Variants in IL15RA observed in about 807,000 individuals in gnomAD.
IL15RA encodes interleukin 15 receptor subunit alpha, also known as interleukin-15 receptor subunit alpha.
IL15RA carries 26 observed loss-of-function variants against 24.2 expected under a neutral mutation model. That is an observed-to-expected ratio of 1.07 (90% CI 0.79 to 1.49). IL15RA has a LOEUF of 1.49. Among genes scored for constraint, IL15RA ranks in the 40% most tolerant of loss-of-function variants. The pLI, the probability that IL15RA is intolerant of heterozygous loss-of-function variation, is 0.00. For missense variants in IL15RA, 354 were observed against 356.4 expected, an observed-to-expected ratio of 0.99 and a Z score of 0.05; for synonymous variants, 166 against 157.6, an observed-to-expected ratio of 1.05 and a Z score of -0.40.
At chr10:5,977,664 T>G, upstream of IL15RA, 1 of 1,244,636 alleles carries the variant, frequency 8.0e-7, no homozygotes, top group South Asian at 3.5e-5. Flanking sequence ...GATCCGTGAC[T>G]CAGCGTCCCC....
chr10:5,966,575 A>G lies in IL15RA; in HGVS notation c.89-236T>C, dbSNP rs1259106332. 6.6e-6 allele frequency among the ~76,000 whole-genome samples: 1 copy of G among 151,892 alleles called. No individual in the cohort carries two copies. Among genetic ancestry groups the G allele is most frequent in the Non-Finnish European group, 1.5e-5 (1 of 67,958 alleles). On this transcript the variant is annotated intron_variant, in intron 1 of 6. Transcript: ENST00000379977. The surrounding 1 kb of genome is among the most constrained non-coding windows in gnomAD (Gnocchi z 6.4). ...AAACTACAGATGAGGGCGTGGGGAG[A>G]GGGTCATCGATGAAACACCCTCTCC... is the stretch of plus-strand genomic sequence containing the variant.
rs370871783 is a variant in IL15RA, at chr10:5,953,066, G to A, written c.*29C>T. The A allele has an allele frequency of 1.3e-5, 19 of 1,517,414 alleles. No individual in the cohort carries two copies. Among genetic ancestry groups the A allele is most frequent in the South Asian group, 9.0e-5 (8 of 89,098 alleles). 94.0% of individuals were successfully genotyped at this position (1,517,414 alleles called of 1,614,324 possible). On this transcript the variant is annotated 3_prime_UTR_variant, in exon 7 of 7. Coordinates refer to ENST00000379977, the MANE Select transcript of IL15RA (RefSeq NM_002189.4). The surrounding 1 kb of genome is among the most constrained non-coding windows in gnomAD (Gnocchi z 5.3). ...TAAAGCAGAGAGGCTCCTTCACTCCGGACTTAGCTGGGCTGGTTTCCCCGA... is the reference window on the plus strand; with the variant it reads ...TAAAGCAGAGAGGCTCCTTCACTCCAGACTTAGCTGGGCTGGTTTCCCCGA...
chr10:5,977,623 C>G (rs1421128101), upstream of IL15RA: 1 of 1,262,520 alleles, frequency 7.9e-7, no homozygotes, highest in South Asian at 2.9e-5. Flanking sequence ...CTTTGGCCCC[C>G]GAGGGCTCGG....
At position 5,966,262 on chromosome 10, in the gene IL15RA, G is replaced by A. The variant is rs773161996; in HGVS notation, c.166C>T (p.Arg56Trp). 9.3e-6 allele frequency: 15 copies of A among 1,613,928 alleles called. No individual in the cohort carries two copies. The highest frequency in any genetic ancestry group is 1.7e-5 in the Admixed American group (1 of 60,004). Residue 56 changes from arginine (R) to tryptophan (W), a missense_variant, in exon 2 of 7, where the codon CGG becomes TGG. Coordinates refer to ENST00000379977, the MANE Select transcript of IL15RA (RefSeq NM_002189.4). The surrounding 1 kb of genome is among the most constrained non-coding windows in gnomAD (Gnocchi z 6.4). ...TTGAAACCAGAGTTACAAATGTACC[G>A]CTCCCTGGAGTACAAGCTGTAGCTC... is the stretch of plus-strand genomic sequence containing the variant. ...VKSYSLYSRE[R>W]YICNSGFKRK...
rs1241958371 is a variant in IL15RA, at chr10:5,971,462, C to A, written c.89-5123G>T. 2.0e-5 allele frequency among the ~76,000 whole-genome samples: 3 copies of A among 152,220 alleles called. No homozygotes were observed. The highest frequency in any genetic ancestry group is 7.2e-5 in the African/African-American group (3 of 41,462). On this transcript the variant is annotated intron_variant, in intron 1 of 6. Coordinates refer to ENST00000379977, the MANE Select transcript of IL15RA (RefSeq NM_002189.4). The surrounding 1 kb of genome is among the most constrained non-coding windows in gnomAD (Gnocchi z 5.5). ...GTTGGTTTACAGAGTCTAATAAGAG[C>A]TGGCAGCCTCGGCCTGGTTCCATAT...
Position 5,971,108 on chromosome 10 carries a change from T to A in IL15RA, c.89-4769A>T, listed in dbSNP as rs1201926779. ...TCTATATATTCTCTCATAACATTGT[T>A]CCCTAGTTATTCAATGTAAACAAGT... On this transcript the variant is annotated intron_variant, in intron 1 of 6. Transcript: ENST00000379977. This position sits in a 1 kb window ranked among gnomAD's most constrained non-coding sequence, Gnocchi z 5.5. 6.6e-6 allele frequency among the ~76,000 whole-genome samples: 1 copy of A among 152,174 alleles called. No homozygotes were observed. The highest frequency in any genetic ancestry group is 1.9e-4 in the East Asian group (1 of 5,204).
chr10:5,969,014 A>G, intron 1 of IL15RA: 1 of 1,523,720 alleles, frequency 6.6e-7, no homozygotes, highest in Middle Eastern at 1.7e-4. Flanking sequence ...GATCCTGAGC[A>G]AGGACTAAGT....
rs1323623839 is a variant in IL15RA at position 5,960,624 on chromosome 10, CTG to C, written c.383-59_383-58del. The C allele has an allele frequency of 2.0e-6, 3 of 1,466,418 alleles. No homozygotes were observed. Among genetic ancestry groups the C allele is most frequent in the Non-Finnish European group, 2.8e-6 (3 of 1,056,644 alleles). The allele number at this position is 1,466,418 out of a possible 1,614,324, so 90.8% of individuals were successfully genotyped here. On this transcript the variant is annotated intron_variant, in intron 3 of 6. Coordinates refer to ENST00000379977, the MANE Select transcript of IL15RA (RefSeq NM_002189.4). This position sits in a 1 kb window ranked among gnomAD's most constrained non-coding sequence, Gnocchi z 5.1. ...AGTGTGCAGACTCCCCTCCTCTCAG[CTG>C]CAGCACGGGGTGATGTGGGAGCTGC...
Position 5,967,833 on chromosome 10 carries a change from C to T in IL15RA, c.89-1494G>A, listed in dbSNP as rs753053690. Among the ~76,000 whole-genome samples, 42 of 152,042 alleles carry T rather than the reference C, an allele frequency of 2.8e-4. No individual in the cohort carries two copies. The highest frequency in any genetic ancestry group is 4.9e-4 in the Non-Finnish European group (33 of 67,970). On this transcript the variant is annotated intron_variant, in intron 1 of 6. Coordinates refer to ENST00000379977, the MANE Select transcript of IL15RA (RefSeq NM_002189.4). The surrounding 1 kb of genome is among the most constrained non-coding windows in gnomAD (Gnocchi z 4.4). ...GAGGACTTTGGGAGGCTGAGGCAGG[C>T]GAATCACCTGAGGTCAGGAGTTCAG...
chr10:5,953,445 G>A lies in IL15RA; in HGVS notation c.693-239C>T, dbSNP rs1039124254. On this transcript the variant is annotated intron_variant, in intron 6 of 6. Transcript: ENST00000379977. This position sits in a 1 kb window ranked among gnomAD's most constrained non-coding sequence, Gnocchi z 5.3. ...GGGCCAGGTGTGGTGGCGCATGCCT[G>A]TAATCCTAGCACTTTAGGAGGCTGT... The A allele has an allele frequency of 4.4e-6, 3 of 684,002 alleles. No homozygotes were observed. Among genetic ancestry groups the A allele is most frequent in the African/African-American group, 3.5e-5 (2 of 56,794 alleles). The allele number at this position is 684,002 out of a possible 1,614,324, so 42.4% of individuals were successfully genotyped here.
In IL15RA at chr10:5,977,446, G is replaced by C; in HGVS notation, c.47C>G (p.Ala16Gly). Reference protein sequence around the residue: ...ARGCRTLGLPALLLLLLLRPP... With the variant: ...ARGCRTLGLPGLLLLLLLRPP... ...CCGGAGCAGCAGCAGCAGTAGCAGC[G>C]CCGGGAGACCGAGGGTCCGGCAGCC... The change falls in exon 1 of 7, where the codon GCG becomes GGG. Residue 16 changes from alanine to glycine, a missense_variant. Ala to Gly is a moderately conservative substitution (Grantham distance 60, BLOSUM62 0). Coordinates refer to ENST00000379977, the MANE Select transcript of IL15RA (RefSeq NM_002189.4). 7.3e-7 allele frequency: 1 copy of C among 1,367,826 alleles called. No homozygotes were observed. Among genetic ancestry groups the C allele is most frequent in the Admixed American group, 3.3e-5 (1 of 30,138 alleles). 84.7% of individuals were successfully genotyped at this position (1,367,826 alleles called of 1,614,324 possible).
chr10:5,977,649 TG>T, upstream of IL15RA: 1 of 1,251,332 alleles, frequency 8.0e-7, no homozygotes, highest in South Asian at 3.3e-5. Context: ...TGCAAAGCGG[TG>T]ACAGATCCGT....
intron 1 of IL15RA, among the ~76,000 whole-genome samples, chr10:5,974,166 A>C (rs1030950208): frequency 6.6e-6 from 1 of 152,154 alleles, no homozygotes; most frequent in Non-Finnish European, 1.5e-5. Flanking sequence ...CAGCTGGCTA[A>C]TTTTTGTATT....
chr10:5,949,371 C>G (rs1268303231), downstream of IL15RA: 1 of 470,624 alleles, frequency 2.1e-6, no homozygotes, highest in Non-Finnish European at 4.4e-6. This position sits in a 1 kb window ranked among gnomAD's most constrained non-coding sequence, Gnocchi z 4.4. Context: ...AATTAAATCC[C>G]CCGGTAATAT....
At chr10:5,950,187 G>T (rs1833774439), downstream of IL15RA, among the ~76,000 whole-genome samples, 1 of 152,178 alleles carries the variant, frequency 6.6e-6, no homozygotes, top group Non-Finnish European at 1.5e-5. This position sits in a 1 kb window ranked among gnomAD's most constrained non-coding sequence, Gnocchi z 5.6. Context: ...AATGTGTAGG[G>T]CAGGGAAGGA....
intron 1 of IL15RA, 55 bp downstream of exon 1, chr10:5,977,350 A>C: frequency 1.1e-6 from 1 of 874,768 alleles, no homozygotes; most frequent in South Asian, 3.4e-5. Context: ...CTCCAGCTCC[A>C]CGTCCCGGCC....
chr10:5,963,709 A>G lies in IL15RA; in HGVS notation c.382+34T>C. ...GCGGGCCTCTGGGTGTTGGGAGGGA[A>G]TGAATGTCCTCGAGAAGTTTCTGAC... On this transcript the variant is annotated intron_variant, in intron 3 of 6. Coordinates refer to ENST00000379977, the MANE Select transcript of IL15RA (RefSeq NM_002189.4). This position sits in a 1 kb window ranked among gnomAD's most constrained non-coding sequence, Gnocchi z 5.3. 1 of 1,387,270 alleles carries G rather than the reference A, an allele frequency of 7.2e-7. No individual in the cohort carries two copies. Among genetic ancestry groups the G allele is most frequent in the South Asian group, 1.4e-5 (1 of 68,972 alleles). The allele number at this position is 1,387,270 out of a possible 1,614,324, so 85.9% of individuals were successfully genotyped here.
chr10:5,963,792 C>A lies in IL15RA; in HGVS notation c.333G>T (p.Thr111=). ...CTGGCTGTGGGGTCACCCCTGCCGTCGTTACTGTGGAGGGTGGCGCTGGCC... is the reference window on the plus strand; with the variant it reads ...CTGGCTGTGGGGTCACCCCTGCCGTAGTTACTGTGGAGGGTGGCGCTGGCC... The part of the protein sequence containing the change: ...HQRPAPPSTV[T]TAGVTPQPES... The change falls in exon 3 of 7, where the codon ACG becomes ACT. Residue 111 remains threonine (T), a synonymous_variant. Transcript: ENST00000379977. The surrounding 1 kb of genome is among the most constrained non-coding windows in gnomAD (Gnocchi z 5.3). 6.5e-7 allele frequency: 1 copy of A among 1,535,624 alleles called. No homozygotes were observed. The highest frequency in any genetic ancestry group is 2.6e-5 in the East Asian group (1 of 39,144).
downstream of IL15RA, among the ~76,000 whole-genome samples, chr10:5,951,141 C>CAAAA (rs60771366): frequency 2.1e-3 from 74 of 35,942 alleles, no homozygotes; most frequent in South Asian, 3.2e-3. Flanking sequence ...GACTCAGTCT[C>CAAAA]AAAAAAAAAA....
Sources: allele counts gnomAD v4.1 joint callset (sites outside exome capture counted in the v4.1 genomes callset), GRCh38; gene constraint gnomAD v4.1.1; non-coding constraint Gnocchi (gnomAD v3.1); transcripts MANE v1.5; gene names NCBI Gene and HGNC (gene_info 2026-07-23, HGNC 2026-07-21).